Variants in RAB33A observed in about 807,000 individuals in gnomAD.
RAB33A encodes RAB33A, member RAS oncogene family.
RAB33A carries 6 observed loss-of-function variants against 12.0 expected under a neutral mutation model. The observed-to-expected ratio is 0.50, with a 90% CI of 0.27 to 0.99. The LOEUF (loss-of-function observed/expected upper bound fraction) is 0.99, where lower values mean the gene tolerates loss of function less well. Ranked by LOEUF, RAB33A falls within the 50% of genes least tolerant of loss-of-function variation. The pLI is 0.11. For missense variants in RAB33A, 109 were observed against 192.0 expected (o/e 0.57, Z 2.55); for synonymous variants, 70 against 82.4 (o/e 0.85, Z 0.81).
the RAB33A span, chrX:130,130,013 A>G: frequency 8.3e-7 from 1 of 1,211,469 alleles, no homozygotes; most frequent in Non-Finnish European, 1.1e-6. Context: ...CCATAGCACA[A>G]TCCCCACGAC....
chrX:130,162,756 T>A, the RAB33A span, among the ~76,000 whole-genome samples: 1 of 111,449 alleles, frequency 9.0e-6, no homozygotes, highest in Admixed American at 9.5e-5. Flanking sequence ...GAACCTAAAG[T>A]CAGGGAGTCG....
chrX:130,171,907 G>T, upstream of RAB33A: 2 of 614,564 alleles, frequency 3.3e-6, no homozygotes, highest in Non-Finnish European at 4.7e-6. Flanking sequence ...GCGCGCGCGC[G>T]CACACGGTGC....
chrX:130,160,674 T>C, the RAB33A span, among the ~76,000 whole-genome samples: 2 of 111,617 alleles, frequency 1.8e-5, no homozygotes, highest in African/African-American at 6.5e-5. Flanking sequence ...CACCTTAGCC[T>C]CCAGAATAGC....
At chrX:130,140,439 T>C in the RAB33A span, 4 of 776,707 alleles carry the variant, frequency 5.1e-6, no homozygotes, top group African/African-American at 4.1e-5. Flanking sequence ...GGGTTTCCAT[T>C]TTCTTAAGTA....
chrX:130,123,478 G>C, the RAB33A span, among the ~76,000 whole-genome samples: 1 of 110,359 alleles, frequency 9.1e-6, no homozygotes, highest in Non-Finnish European at 1.9e-5. Context: ...GATCACTGAG[G>C]TCAGGAGTTC....
chrX:130,169,379 C>CT (rs1295813627), upstream of RAB33A, among the ~76,000 whole-genome samples: 2 of 111,120 alleles, frequency 1.8e-5, no homozygotes, highest in African/African-American at 6.5e-5. Flanking sequence ...CTGGAAAACA[C>CT]TGTCAAAATC....
chrX:130,131,592 G>A, the RAB33A span: 1 of 1,161,397 alleles, frequency 8.6e-7, no homozygotes, highest in South Asian at 1.8e-5. Context: ...AGCCCCTCTG[G>A]CCAATACAGA....
the RAB33A span, among the ~76,000 whole-genome samples, chrX:130,122,571 G>C: frequency 6.2e-5 from 7 of 112,330 alleles, no homozygotes; most frequent in South Asian, 1.1e-3. Context: ...AGGAGCAAGG[G>C]GGGGTGGGAG....
chrX:130,159,203 A>T, the RAB33A span, among the ~76,000 whole-genome samples: 2 of 111,542 alleles, frequency 1.8e-5, no homozygotes, highest in African/African-American at 6.6e-5. Context: ...GAGTTATGAA[A>T]ACTTGATAGT....
chrX:130,113,077 C>CTTTTTTTTTTTTTTTTTTTTTTTT, the RAB33A span, among the ~76,000 whole-genome samples: 4 of 46,994 alleles, frequency 8.5e-5, no homozygotes, highest in Non-Finnish European at 1.1e-4. Context: ...TTTTTTCCTT[C>CTTTTTTTTTTTTTTTTTTTTTTTT]TTTTTTTTTT....
chrX:130,171,303 G>C (rs1486167783), upstream of RAB33A, among the ~76,000 whole-genome samples: 7 of 112,221 alleles, frequency 6.2e-5, no homozygotes, highest in African/African-American at 2.3e-4. Flanking sequence ...CCCAAGGCGC[G>C]GGTCGGGTAG....
At chrX:130,183,116 C>T (rs2031749511) in intron 1 of RAB33A, among the ~76,000 whole-genome samples, 1 of 107,707 alleles carries the variant, frequency 9.3e-6, no homozygotes, top group African/African-American at 3.4e-5. Flanking sequence ...CCATGTTGGC[C>T]AGGCTGGTCT....
chrX:130,169,071 G>T (rs1718487089), upstream of RAB33A, among the ~76,000 whole-genome samples: 2 of 109,677 alleles, frequency 1.8e-5, no homozygotes, highest in Admixed American at 1.9e-4. Context: ...AGCCAGGCGT[G>T]GTGGCGGGCG....
At chrX:130,136,269 A>G in the RAB33A span, 3 of 1,072,468 alleles carry the variant, frequency 2.8e-6, no homozygotes, top group Non-Finnish European at 3.9e-6. Flanking sequence ...TCATGCCATT[A>G]AGAATTGGGA....
chrX:130,168,974 A>G (rs1402176514), upstream of RAB33A, among the ~76,000 whole-genome samples: 6 of 110,317 alleles, frequency 5.4e-5, no homozygotes, highest in Admixed American at 9.7e-5. Flanking sequence ...TTGGGAGGCC[A>G]AGGCGGGCGG....
the RAB33A span, among the ~76,000 whole-genome samples, chrX:130,121,305 C>A: frequency 1.0e-5 from 1 of 98,734 alleles, no homozygotes; most frequent in East Asian, 3.1e-4. Context: ...GCTGCAGTGG[C>A]GCGATCTTGG....
At chrX:130,166,138 G>GT in the RAB33A span, among the ~76,000 whole-genome samples, 1 of 111,723 alleles carries the variant, frequency 9.0e-6, no homozygotes, top group Non-Finnish European at 1.9e-5. Flanking sequence ...ATCGCACTTT[G>GT]TTTTTTGGTT....
At chrX:130,113,060 CT>C in the RAB33A span, among the ~76,000 whole-genome samples, 742 of 61,080 alleles carry the variant, frequency 0.012, 3 homozygotes, top group African/African-American at 0.017. Context: ...TTTTCTTTTT[CT>C]TTTTTTTTTT....
chrX:130,129,314 C>T, the RAB33A span: 2 of 412,187 alleles, frequency 4.9e-6, no homozygotes, highest in Non-Finnish European at 8.5e-6. Flanking sequence ...TTCTAATATG[C>T]GTGGCTTTCC....
Sources: allele counts gnomAD v4.1 joint callset (sites outside exome capture counted in the v4.1 genomes callset), GRCh38; gene constraint gnomAD v4.1.1; transcripts MANE v1.5; gene names NCBI Gene and HGNC (gene_info 2026-07-23, HGNC 2026-07-21).